Variants in FAM83C observed in about 807,000 individuals in gnomAD.
FAM83C encodes protein FAM83C.
A neutral mutation model predicts 27.1 loss-of-function variants in FAM83C; 23 were observed. The observed-to-expected ratio is 0.85, with a 90% CI of 0.61 to 1.20. The LOEUF is 1.20. FAM83C is among the 50% of genes most tolerant of loss of function. The pLI is 0.00. For synonymous variants in FAM83C, 426 were observed against 423.1 expected, an observed-to-expected ratio of 1.01 and a Z score of -0.09; for missense variants, 984 against 1,001.3, an observed-to-expected ratio of 0.98 and a Z score of 0.23.
rs752938564 is a variant in FAM83C at position 35,288,529 on chromosome 20, G to C, written c.738C>G (p.Arg246=). 1.7e-5 allele frequency: 27 copies of C among 1,614,234 alleles called. No individual in the cohort carries two copies. Among genetic ancestry groups the C allele is most frequent in the Non-Finnish European group, 2.2e-5 (26 of 1,180,036 alleles). ...ACTTCTCCAGGGCCTGCCCCGTGAA[G>C]CGGCGGCCAGCCTTGCTGCAGTATG... The part of the protein sequence containing the change: ...GDTYCSKAGR[R]FTGQALEKFV... The change falls in exon 3 of 4, where the codon CGC becomes CGG. Residue 246 remains arginine, a synonymous_variant. Coordinates refer to ENST00000374408, the MANE Select transcript of FAM83C (RefSeq NM_178468.6).
In FAM83C at chr20:35,287,585, C is replaced by G. The variant is rs766443419; in HGVS notation, c.1194G>C (p.Leu398=). Residue 398 remains leucine (L), a synonymous_variant, in exon 4 of 4, where the codon CTG becomes CTC. Transcript: ENST00000374408. ...ASGQPSLHRQ[L]SDPNHGSPPG... is the part of the protein sequence containing the mutation. The stretch of plus-strand genomic sequence containing the variant: ...GAGGGGAGCCGTGGTTAGGGTCTGA[C>G]AGTTGGCGATGTAGGGAGGGCTGGC... 1 of 1,614,086 alleles carries G rather than the reference C, an allele frequency of 6.2e-7. No individual in the cohort carries two copies. The highest frequency in any genetic ancestry group is 2.2e-5 in the East Asian group (1 of 44,860).
chr20:35,288,321 C>G lies in FAM83C; in HGVS notation c.806+140G>C, dbSNP rs921592420. The G allele has an allele frequency of 3.4e-6, 5 of 1,459,712 alleles. No homozygotes were observed. In the African/African-American group the frequency reaches 7.0e-5, roughly 20 times the overall value. 90.4% of individuals were successfully genotyped at this position (1,459,712 alleles called of 1,614,324 possible). On this transcript the variant is annotated intron_variant, in intron 3 of 3. Coordinates refer to ENST00000374408, the MANE Select transcript of FAM83C (RefSeq NM_178468.6). The stretch of plus-strand genomic sequence containing the variant: ...CTCCAGGGCCGATGCCCCCGACACC[C>G]TCCCCTGAGCCTGGCATGATGCCTG...
intron 1 of FAM83C, 90 bp downstream of exon 1, chr20:35,291,702 G>T: frequency 6.5e-7 from 1 of 1,542,204 alleles, no homozygotes; most frequent in African/African-American, 1.4e-5. Flanking sequence ...CTGCCCCTAA[G>T]TCGCTGTGTG....
intron 2 of FAM83C, 37 bp from the exon 3 acceptor site, chr20:35,288,622 T>A (rs1402261069): frequency 6.2e-7 from 1 of 1,610,628 alleles, no homozygotes; most frequent in Non-Finnish European, 8.5e-7. Context: ...CTTGAGAGAG[T>A]GAGGCTCAAG....
In FAM83C at chr20:35,286,902, C is replaced by T. The variant is rs148482634; in HGVS notation, c.1877G>A (p.Arg626Gln). 226 of 1,614,032 alleles carry T rather than the reference C, an allele frequency of 1.4e-4. No individual in the cohort carries two copies. The highest frequency in any genetic ancestry group is 1.2e-3 in the Middle Eastern group (7 of 6,084). Reference protein sequence around the residue: ...ARPARRAPDERRQTLGHSQLD... With the variant: ...ARPARRAPDEQRQTLGHSQLD... Reference sequence around the variant, plus strand: ...CTGGCTGTGCCCCAGGGTCTGCCGCCGCTCATCTGGTGCCCGTCTGGCAGG... The same window carrying T: ...CTGGCTGTGCCCCAGGGTCTGCCGCTGCTCATCTGGTGCCCGTCTGGCAGG... Residue 626 changes from arginine to glutamine, a missense_variant, in exon 4 of 4, where the codon CGG (arginine) becomes CAG (glutamine). Coordinates refer to ENST00000374408, the MANE Select transcript of FAM83C (RefSeq NM_178468.6).
rs564120509 is a variant in FAM83C at position 35,287,917 on chromosome 20, G to A, written c.862C>T (p.Arg288Cys). Residue 288 changes from arginine (R) to cysteine (C), a missense_variant, in exon 4 of 4, where the codon CGC (arginine) becomes TGC (cysteine). Transcript: ENST00000374408. ...HTSMVLQLRG[R>C]IVEDFDREFR... ...TCCCGGTCAAAGTCTTCCACGATGC[G>A]GCCCCTCAGCTGCAGCACCATGCTA... is the stretch of plus-strand genomic sequence containing the variant. The A allele has an allele frequency of 2.1e-5, 33 of 1,556,370 alleles. No individual in the cohort carries two copies. The highest frequency in any genetic ancestry group is 1.2e-4 in the African/African-American group (9 of 73,472).
rs1242444751 is a variant in FAM83C, at chr20:35,287,510, G to A, written c.1269C>T (p.Ser423=). ...TATGGTTGAGGGCAGGGGAGGACTGGGACCATGGGTATGCCCCTAGCTTGC... is the reference window on the plus strand; with the variant it reads ...TATGGTTGAGGGCAGGGGAGGACTGAGACCATGGGTATGCCCCTAGCTTGC... The part of the protein sequence containing the change: ...NLGKLGAYPW[S]QSSPALNHNS... The change falls in exon 4 of 4, where the codon TCC becomes TCT. Residue 423 remains serine, a synonymous_variant. Coordinates refer to ENST00000374408, the MANE Select transcript of FAM83C (RefSeq NM_178468.6). 1 of 1,614,074 alleles carries A rather than the reference G, an allele frequency of 6.2e-7. No individual in the cohort carries two copies. The highest frequency in any genetic ancestry group is 1.3e-5 in the African/African-American group (1 of 74,918).
At position 35,286,816 on chromosome 20, in the gene FAM83C, G is replaced by T; in HGVS notation, c.1963C>A (p.Pro655Thr). The T allele has an allele frequency of 6.2e-7, 1 of 1,613,990 alleles. No individual in the cohort carries two copies. Among genetic ancestry groups the T allele is most frequent in the South Asian group, 1.1e-5 (1 of 91,070 alleles). The change falls in exon 4 of 4, where the codon CCG becomes ACG. Residue 655 changes from proline (P) to threonine (T), a missense_variant. Transcript: ENST00000374408. ...GCCGTGCGAGCAGGGCTTGATATCG[G>T]GAGACCATTGGGCCCAGGCCCCTCA... Reference protein sequence around the residue: ...RGEGPGPNGLPISSPARTAGA... With the variant: ...RGEGPGPNGLTISSPARTAGA...
rs373648197 is a variant in FAM83C at position 35,288,824 on chromosome 20, G to A, written c.648C>T (p.Cys216=). The A allele has an allele frequency of 6.2e-7, 1 of 1,613,686 alleles. No homozygotes were observed. Among genetic ancestry groups the A allele is most frequent in the Non-Finnish European group, 8.5e-7 (1 of 1,179,778 alleles). ...GCTCCCCATTGAGGTCCATCTTGTA[G>A]CACATCTCCAGGAAGTGCCTCAGGT... ...QEHLRHFLEM[C]YKMDLNGEHL... Residue 216 remains cysteine, a synonymous_variant, in exon 2 of 4, where the codon TGC becomes TGT. Coordinates refer to ENST00000374408, the MANE Select transcript of FAM83C (RefSeq NM_178468.6).
chr20:35,291,044 C>A (rs1049539115), intron 1 of FAM83C, among the ~76,000 whole-genome samples: 2 of 152,170 alleles, frequency 1.3e-5, no homozygotes, highest in Non-Finnish European at 2.9e-5. Context: ...TGCTGACCAC[C>A]CCTACCTGCC....
rs1443274479 is a variant in FAM83C at position 35,287,588 on chromosome 20, T to C, written c.1191A>G (p.Gln397=). 4 of 1,613,896 alleles carry C rather than the reference T, an allele frequency of 2.5e-6. No homozygotes were observed. The highest frequency in any genetic ancestry group is 1.1e-5 in the South Asian group (1 of 91,064). ...EASGQPSLHR[Q]LSDPNHGSPP... is the part of the protein sequence containing the mutation. The stretch of plus-strand genomic sequence containing the variant: ...GGGAGCCGTGGTTAGGGTCTGACAG[T>C]TGGCGATGTAGGGAGGGCTGGCCAC... Residue 397 remains glutamine, a synonymous_variant, in exon 4 of 4, where the codon CAA becomes CAG. Coordinates refer to ENST00000374408, the MANE Select transcript of FAM83C (RefSeq NM_178468.6).
chr20:35,288,800 C>G lies in FAM83C; in HGVS notation c.672G>C (p.Glu224Asp). Residue 224 changes from glutamate (E) to aspartate (D), a missense_variant, in exon 2 of 4, where the codon GAG becomes GAC. By Grantham distance (45) the Glu-to-Asp change is conservative. Coordinates refer to ENST00000374408, the MANE Select transcript of FAM83C (RefSeq NM_178468.6). ...EMCYKMDLNG[E>D]HLPNMRVRST... ...CCTGGTCCTCACTGACCGGCAGGTG[C>G]TCCCCATTGAGGTCCATCTTGTAGC... The G allele has an allele frequency of 6.2e-7, 1 of 1,609,476 alleles. No homozygotes were observed. The highest frequency in any genetic ancestry group is 8.5e-7 in the Non-Finnish European group (1 of 1,177,328).
Position 35,287,916 on chromosome 20 carries a change from C to A in FAM83C, c.863G>T (p.Arg288Leu). The A allele has an allele frequency of 6.4e-7, 1 of 1,556,172 alleles. No individual in the cohort carries two copies. The highest frequency in any genetic ancestry group is 8.7e-7 in the Non-Finnish European group (1 of 1,149,220). The change falls in exon 4 of 4, where the codon CGC (arginine) becomes CTC (leucine). Residue 288 changes from arginine to leucine, a missense_variant. Transcript: ENST00000374408. ...HTSMVLQLRG[R>L]IVEDFDREFR... ...CTCCCGGTCAAAGTCTTCCACGATG[C>A]GGCCCCTCAGCTGCAGCACCATGCT...
Position 35,287,448 on chromosome 20 carries a change from G to A in FAM83C, c.1331C>T (p.Pro444Leu), listed in dbSNP as rs541792615. The A allele has an allele frequency of 2.9e-4, 468 of 1,614,192 alleles. 7 individuals are homozygous for A. The South Asian group carries it at 4.8e-3, about 17-fold the overall frequency. The change falls in exon 4 of 4, where the codon CCT (proline) becomes CTT (leucine). Residue 444 changes from proline to leucine, a missense_variant. Transcript: ENST00000374408. ...GAGGGGCCGGGAGCGAGGAAGCAGA[G>A]GTGACCCCACTGCCAAGGTTAAGGG... is the stretch of plus-strand genomic sequence containing the variant. ...TSPLTLAVGS[P>L]LLPRSRPLLQ...
chr20:35,292,228 A>C lies in FAM83C; in HGVS notation c.77T>G (p.Leu26Arg), dbSNP rs1392836756. The C allele has an allele frequency of 1.9e-6, 3 of 1,582,470 alleles. No homozygotes were observed. The African/African-American group carries it at 4.0e-5, about 21-fold the overall frequency. The change falls in exon 1 of 4, where the codon CTG becomes CGG. Residue 26 changes from leucine to arginine, a missense_variant. By Grantham distance (102) the Leu-to-Arg change is moderately radical. Transcript: ENST00000374408. ...AGPLRGRVEELKLPWWRESSP... is the reference protein window; with the variant it reads ...AGPLRGRVEERKLPWWRESSP... ...GCTCTCCCGCCACCACGGCAGCTTC[A>C]GCTCTTCCACCCGGCCCCGCAGGGG...
chr20:35,287,086 C>T lies in FAM83C; in HGVS notation c.1693G>A (p.Gly565Arg). 1 of 1,605,096 alleles carries T rather than the reference C, an allele frequency of 6.2e-7. No individual in the cohort carries two copies. Among genetic ancestry groups the T allele is most frequent in the Non-Finnish European group, 8.5e-7 (1 of 1,179,872 alleles). The part of the protein sequence containing the change: ...LDLLSRALGT[G>R]GAPELGSLRP... ...AGGGAACCCAACTCAGGGGCACCCC[C>T]AGTACCCAGGGCTCGGGACAGGAGA... Residue 565 changes from glycine (G) to arginine (R), a missense_variant, in exon 4 of 4, where the codon GGG becomes AGG. Gly to Arg is a moderately radical substitution (Grantham distance 125). Coordinates refer to ENST00000374408, the MANE Select transcript of FAM83C (RefSeq NM_178468.6).
chr20:35,287,859 A>C lies in FAM83C; in HGVS notation c.920T>G (p.Val307Gly). Reference sequence around the variant, plus strand: ...GTCCTCACCGCCACAGAAGCCCTCCACAGGCTGCGACTCAGCGTACAGACA... The same window carrying C: ...GTCCTCACCGCCACAGAAGCCCTCCCCAGGCTGCGACTCAGCGTACAGACA... ...FRCLYAESQP[V>G]EGFCGGEDPL... Residue 307 changes from valine (V) to glycine (G), a missense_variant, in exon 4 of 4, where the codon GTG becomes GGG. Physicochemically the swap from Val to Gly is moderately radical, Grantham distance 109. Coordinates refer to ENST00000374408, the MANE Select transcript of FAM83C (RefSeq NM_178468.6). 1 of 1,566,116 alleles carries C rather than the reference A, an allele frequency of 6.4e-7. No individual in the cohort carries two copies. Among genetic ancestry groups the C allele is most frequent in the Non-Finnish European group, 8.7e-7 (1 of 1,154,726 alleles).
rs765384809 is a variant in FAM83C, at chr20:35,286,860, T to C, written c.1919A>G (p.Lys640Arg). The stretch of plus-strand genomic sequence containing the variant: ...CCCCTCACCACGGAATGGGCCGAAC[T>C]TTGTGATGAGGTCCAGCTGGCTGTG... ...LGHSQLDLIT[K>R]FGPFRGEGPG... Residue 640 changes from lysine to arginine, a missense_variant, in exon 4 of 4, where the codon AAG (lysine) becomes AGG (arginine). Physicochemically the swap from Lys to Arg is conservative, Grantham distance 26. Coordinates refer to ENST00000374408, the MANE Select transcript of FAM83C (RefSeq NM_178468.6). 7.4e-6 allele frequency: 12 copies of C among 1,614,050 alleles called. No individual in the cohort carries two copies. The highest frequency in any genetic ancestry group is 1.0e-5 in the Non-Finnish European group (12 of 1,180,008).
At position 35,292,029 on chromosome 20, in the gene FAM83C, G is replaced by A. The variant is rs758914035; in HGVS notation, c.276C>T (p.Ser92=). 6 of 1,613,144 alleles carry A rather than the reference G, an allele frequency of 3.7e-6. No individual in the cohort carries two copies. Among genetic ancestry groups the A allele is most frequent in the Non-Finnish European group, 4.2e-6 (5 of 1,179,970 alleles). ...TSHVRGGPEL[S]EAQGQEASGP... ...CGGAGGCCTCCTGCCCCTGAGCCTC[G>A]CTGAGCTCAGGGCCCCCGCGCACAT... The change falls in exon 1 of 4, where the codon AGC becomes AGT. Residue 92 remains serine (S), a synonymous_variant. Coordinates refer to ENST00000374408, the MANE Select transcript of FAM83C (RefSeq NM_178468.6).
Sources: gnomAD v4.1 joint callset for allele counts (sites outside exome capture counted in the v4.1 genomes callset) on GRCh38, gnomAD v4.1.1 for gene constraint, MANE v1.5 for transcripts, NCBI Gene and HGNC (gene_info 2026-07-23, HGNC 2026-07-21) for gene names.